The following CD109 variants were observed in gnomAD, a reference collection of about 807,000 sequenced individuals.
CD109 encodes the protein CD109 antigen.
In CD109, 149 loss-of-function variants were observed where a neutral mutation model predicts 165.8. That is an observed-to-expected ratio of 0.90 (90% CI 0.79 to 1.03). The LOEUF (loss-of-function observed/expected upper bound fraction) is 1.03, where lower values mean the gene tolerates loss of function less well. CD109 is among the 50% of genes least tolerant of loss of function. The pLI is 0.00. For synonymous variants in CD109, 585 were observed against 592.1 expected (o/e 0.99, Z 0.18); for missense variants, 1,712 against 1,677.8 (o/e 1.02, Z -0.36).
At chr6:73,823,069 A>G (rs1023123890) in intron 32 of CD109, among the ~76,000 whole-genome samples, 4 of 152,226 alleles carry the variant, frequency 2.6e-5, no homozygotes, top group Non-Finnish European at 5.9e-5. Context: ...TCTAATGATT[A>G]GAATTTGATT....
chr6:73,804,154 G>A (rs1775484506), intron 24 of CD109: 1 of 152,342 alleles, frequency 6.6e-6, no homozygotes, highest in African/African-American at 2.4e-5. Context: ...CACTGGGGCA[G>A]GAAAGTGAAT....
intron 5 of CD109, among the ~76,000 whole-genome samples, chr6:73,744,756 C>G (rs1254688903): frequency 1.3e-5 from 2 of 152,142 alleles, no homozygotes; most frequent in African/African-American, 2.4e-5. Flanking sequence ...TAGGAGGACC[C>G]CTCCTTTCAA....
Position 73,820,420 on chromosome 6 carries a change from A to G in CD109, c.4060-41A>G, listed in dbSNP as rs147998245. ...AATGTCTTTACTTAATCATGAACAC[A>G]CAGTGTGCCAACCCCTTAAGACTCT... On this transcript the variant is annotated intron_variant, in intron 31 of 32. Transcript: ENST00000287097. 19 of 1,096,826 alleles carry G rather than the reference A, an allele frequency of 1.7e-5. No individual in the cohort carries two copies. In the South Asian group the frequency reaches 2.3e-4, roughly 13 times the overall value. The allele number at this position is 1,096,826 out of a possible 1,614,324, so 67.9% of individuals were successfully genotyped here. A position where few individuals can be genotyped will look rare whatever the true frequency, so the allele number is the denominator to read the frequency against.
Position 73,722,227 on chromosome 6 carries a change from A to G in CD109, c.248-1024A>G, listed in dbSNP as rs139067165. Among the ~76,000 whole-genome samples, 335 of 152,354 alleles carry G rather than the reference A, an allele frequency of 2.2e-3. 3 individuals carry two copies. The East Asian group carries it at 0.036, about 16-fold the overall frequency. ...AAAACTCTTCAAGCTTTTTGACACT[A>G]TAATAGCTAACATATTTCAAGTGTT... On this transcript the variant is annotated intron_variant, in intron 2 of 32. Transcript: ENST00000287097.
intron 22 of CD109, among the ~76,000 whole-genome samples, chr6:73,791,126 T>TATATAC (rs1482719889): frequency 1.6e-5 from 1 of 63,030 alleles, no homozygotes; most frequent in Non-Finnish European, 2.7e-5. Context: ...GGCATATATA[T>TATATAC]ACATACATAC....
intron 21 of CD109, among the ~76,000 whole-genome samples, chr6:73,787,898 C>T (rs1774757448): frequency 6.6e-6 from 1 of 152,146 alleles, no homozygotes; most frequent in Non-Finnish European, 1.5e-5. Context: ...GTTTGAATCT[C>T]AGCTCTGCCA....
chr6:73,756,770 G>A, intron 6 of CD109, 88 bp downstream of exon 6: 1 of 930,714 alleles, frequency 1.1e-6, no homozygotes, highest in Non-Finnish European at 1.6e-6. Context: ...TGTATTATTT[G>A]AAGTAAAAAT....
intron 24 of CD109, among the ~76,000 whole-genome samples, chr6:73,805,756 A>T (rs184546806): frequency 6.6e-6 from 1 of 152,150 alleles, no homozygotes; most frequent in Non-Finnish European, 1.5e-5. Context: ...CTTAACGAGC[A>T]TGCTGCCTTC....
intron 21 of CD109, 98 bp from the exon 22 acceptor site, chr6:73,788,370 A>G: frequency 3.0e-6 from 3 of 1,015,374 alleles, no homozygotes; most frequent in Non-Finnish European, 4.2e-6. Context: ...CACAAACCTC[A>G]GACACAACAG....
chr6:73,695,974 C>T (rs1053955171), upstream of CD109: 1 of 505,122 alleles, frequency 2.0e-6, no homozygotes, highest in Non-Finnish European at 3.5e-6. Flanking sequence ...CTTTCTCACC[C>T]CCTGGATTTG....
intron 2 of CD109, 96 bp downstream of exon 2, chr6:73,697,668 A>G (rs998614859): frequency 7.7e-5 from 77 of 1,005,288 alleles, no homozygotes; most frequent in Non-Finnish European, 1.1e-4. Context: ...GAAACCCCAA[A>G]TTTGCAGTAT....
At chr6:73,775,243 G>A (rs1774198780) in intron 15 of CD109, among the ~76,000 whole-genome samples, 1 of 151,732 alleles carries the variant, frequency 6.6e-6, no homozygotes, top group Admixed American at 6.6e-5. Flanking sequence ...TGAGGTTATG[G>A]AATACATATA....
At chr6:73,733,517 C>T (rs1396026443) in intron 4 of CD109, among the ~76,000 whole-genome samples, 3 of 152,208 alleles carry the variant, frequency 2.0e-5, no homozygotes, top group African/African-American at 7.2e-5. Context: ...ATGTCTCCCA[C>T]GCTTCTGGCC....
chr6:73,730,611 C>T, intron 4 of CD109, 37 bp downstream of exon 4: 1 of 1,366,346 alleles, frequency 7.3e-7, no homozygotes, highest in South Asian at 1.2e-5. Flanking sequence ...GGAATTCTAG[C>T]CATCTTACTA....
In CD109 at chr6:73,765,772, T is replaced by A. The variant is rs180811280; in HGVS notation, c.1108-158T>A. ...ATATTAACAAGGGAGTAATCAGTGA[T>A]GTTGGATGCCTCCTAGAGAGAGGCC... On this transcript the variant is annotated intron_variant, in intron 10 of 32. Coordinates refer to ENST00000287097, the MANE Select transcript of CD109 (RefSeq NM_133493.5). Among the ~76,000 whole-genome samples the A allele has an allele frequency of 1.3e-3, 203 of 152,312 alleles. 6 individuals are homozygous for A. The highest frequency in any genetic ancestry group is 4.7e-3 in the African/African-American group (195 of 41,564).
chr6:73,768,965 A>G (rs1013047501), intron 14 of CD109, among the ~76,000 whole-genome samples: 1 of 152,224 alleles, frequency 6.6e-6, no homozygotes, highest in East Asian at 1.9e-4. Context: ...TTATTTGTTA[A>G]AATATTTGAG....
chr6:73,807,929 A>G (rs904257385), intron 25 of CD109, among the ~76,000 whole-genome samples, 154 bp from the exon 26 acceptor site: 1 of 152,188 alleles, frequency 6.6e-6, no homozygotes, highest in South Asian at 2.1e-4. Context: ...TTAAATGTCA[A>G]TGATCATGGT....
chr6:73,681,890 A>G, the CD109 span, among the ~76,000 whole-genome samples: 9 of 152,102 alleles, frequency 5.9e-5, no homozygotes, highest in South Asian at 2.1e-4. Flanking sequence ...GGTCTGAGCC[A>G]CCGCACCTGG....
At chr6:73,679,458 G>A in the CD109 span, among the ~76,000 whole-genome samples, 28 of 151,276 alleles carry the variant, frequency 1.9e-4, no homozygotes, top group Non-Finnish European at 3.5e-4. Flanking sequence ...CAATTAAAAC[G>A]TCCCTAATCC....
Sources: gnomAD v4.1 joint callset for allele counts (sites outside exome capture counted in the v4.1 genomes callset) on GRCh38, gnomAD v4.1.1 for gene constraint, MANE v1.5 for transcripts, NCBI Gene and HGNC (gene_info 2026-07-23, HGNC 2026-07-21) for gene names.